The following CDH18 variants were observed in gnomAD, a reference collection of about 807,000 sequenced individuals.
CDH18 encodes the protein cadherin 18.
A neutral mutation model predicts 67.9 loss-of-function variants in CDH18; 31 were observed. The observed-to-expected ratio is 0.46, with a 90% CI of 0.34 to 0.62. CDH18 has a LOEUF of 0.62. Among genes scored for constraint, CDH18 ranks in the 20% least tolerant of loss-of-function variants. The probability of loss-of-function intolerance (pLI) is 0.01; values close to 1 mark genes in which losing one functional copy is unlikely to be tolerated. For missense variants in CDH18, 890 were observed against 975.5 expected (o/e 0.91, Z 1.17); for synonymous variants, 362 against 347.2 (o/e 1.04, Z -0.48).
chr5:20,438,025 C>G (rs1175327479), intron 1 of CDH18, among the ~76,000 whole-genome samples: 1 of 151,220 alleles, frequency 6.6e-6, no homozygotes, highest in African/African-American at 2.4e-5. Flanking sequence ...GACATTATAA[C>G]ATGAATATAA....
Position 19,544,018 on chromosome 5 carries a change from A to G in CDH18, c.1254-13T>C, listed in dbSNP as rs781271645. 1.8e-5 allele frequency: 27 copies of G among 1,502,202 alleles called. No individual in the cohort carries two copies. Among genetic ancestry groups the G allele is most frequent in the Non-Finnish European group, 1.9e-5 (21 of 1,107,674 alleles). 93.1% of individuals were successfully genotyped at this position (1,502,202 alleles called of 1,614,324 possible). A position where few individuals can be genotyped will look rare whatever the true frequency, so the allele number is the denominator to read the frequency against. On this transcript the variant is annotated splice_polypyrimidine_tract_variant and intron_variant, in intron 8 of 12. Coordinates refer to ENST00000382275, the MANE Select transcript of CDH18 (RefSeq NM_004934.5). ...GTTGATGAAGTATCTAGAGAAAAAA[A>G]GAGAAGTTTTTACTTGATGTTATAA...
At chr5:20,472,259 A>T (rs1752143285) in intron 1 of CDH18, among the ~76,000 whole-genome samples, 1 of 152,226 alleles carries the variant, frequency 6.6e-6, no homozygotes, top group Non-Finnish European at 1.5e-5. Context: ...ATAATAGTGG[A>T]TTATGAATGA....
chr5:20,350,767 A>T (rs979775753), intron 1 of CDH18, among the ~76,000 whole-genome samples: 4 of 152,176 alleles, frequency 2.6e-5, no homozygotes, highest in African/African-American at 9.6e-5. Flanking sequence ...GGTAGTTTAG[A>T]ATTTGGAGAA....
chr5:20,400,121 G>A (rs573195931), intron 1 of CDH18, among the ~76,000 whole-genome samples: 15 of 152,064 alleles, frequency 9.9e-5, no homozygotes, highest in African/African-American at 1.4e-4. Context: ...TAATAATATC[G>A]ACTCATCTAC....
At chr5:20,383,510 T>C (rs1744078780) in intron 1 of CDH18, among the ~76,000 whole-genome samples, 1 of 152,168 alleles carries the variant, frequency 6.6e-6, no homozygotes, top group African/African-American at 2.4e-5. Flanking sequence ...TAGCATTTGT[T>C]TTCTTTTTGG....
At chr5:19,862,989 T>C (rs1785065701) in intron 2 of CDH18, among the ~76,000 whole-genome samples, 1 of 147,484 alleles carries the variant, frequency 6.8e-6, no homozygotes, top group Non-Finnish European at 1.5e-5. Flanking sequence ...AGAAAAACTG[T>C]AGGAAAGATT....
chr5:20,494,213 GA>G (rs1191633886), intron 1 of CDH18, among the ~76,000 whole-genome samples: 1 of 152,088 alleles, frequency 6.6e-6, no homozygotes, highest in African/African-American at 2.4e-5. Flanking sequence ...CCAAATTGAA[GA>G]GAGTGGAATA....
chr5:20,464,267 C>T (rs1372816989), intron 1 of CDH18, among the ~76,000 whole-genome samples: 1 of 152,124 alleles, frequency 6.6e-6, no homozygotes, highest in Non-Finnish European at 1.5e-5. Flanking sequence ...CTCTGTGATT[C>T]CATCCCAGTG....
At chr5:20,334,325 GA>G in intron 1 of CDH18, among the ~76,000 whole-genome samples, 1 of 150,796 alleles carries the variant, frequency 6.6e-6, no homozygotes, top group Non-Finnish European at 1.5e-5. Context: ...TTTTAGTAGA[GA>G]CGGGGTTTCA....
At chr5:20,015,655 G>A (rs1310978150) in intron 2 of CDH18, among the ~76,000 whole-genome samples, 1 of 152,146 alleles carries the variant, frequency 6.6e-6, no homozygotes, top group African/African-American at 2.4e-5. Flanking sequence ...ATGGAGAACA[G>A]GGTAGAGAGC....
At chr5:19,515,568 C>T (rs937075715) in intron 10 of CDH18, among the ~76,000 whole-genome samples, 1 of 152,108 alleles carries the variant, frequency 6.6e-6, no homozygotes, top group African/African-American at 2.4e-5. Context: ...TCCTTCACAT[C>T]CCTTTTAAGT....
chr5:20,038,458 C>A (rs192473924), intron 2 of CDH18, among the ~76,000 whole-genome samples: 1 of 152,276 alleles, frequency 6.6e-6, no homozygotes, highest in Non-Finnish European at 1.5e-5. Flanking sequence ...AAAATACTGA[C>A]AACCCAAATC....
rs534073981 is a variant in CDH18 at position 19,722,220 on chromosome 5, A to C, written c.524-754T>G. 1.9e-3 allele frequency among the ~76,000 whole-genome samples: 287 copies of C among 152,000 alleles called. 1 individual carries two copies. The highest frequency in any genetic ancestry group is 0.01 in the Middle Eastern group (3 of 294). ...AGGCACCCTCCACCATGCCCAGATAATTTTTGTATTTTTAGTAGAAACAGG... is the reference window on the plus strand; with the variant it reads ...AGGCACCCTCCACCATGCCCAGATACTTTTTGTATTTTTAGTAGAAACAGG... On this transcript the variant is annotated intron_variant, in intron 4 of 12. Coordinates refer to ENST00000382275, the MANE Select transcript of CDH18 (RefSeq NM_004934.5).
intron 1 of CDH18, among the ~76,000 whole-genome samples, chr5:20,291,003 G>C (rs1747062540): frequency 6.6e-6 from 1 of 152,020 alleles, no homozygotes; most frequent in Non-Finnish European, 1.5e-5. Context: ...ATATTGAAAT[G>C]GACAAGGGAA....
intron 2 of CDH18, among the ~76,000 whole-genome samples, chr5:20,057,876 T>C (rs1431229924): frequency 6.6e-6 from 1 of 152,154 alleles, no homozygotes; most frequent in African/African-American, 2.4e-5. Context: ...TTACTTAAAA[T>C]GTGTGTGCAA....
In CDH18 at chr5:20,356,095, A is replaced by T. The variant is rs548863257; in HGVS notation, c.-579-100590T>A. ...TAAAACCCACTCTAAAATTAAAAAC[A>T]CTCCAGACTAGGCTCAGTGGCTCAT... On this transcript the variant is annotated intron_variant, in intron 1 of 14. Transcript: ENST00000507958. 2.0e-5 allele frequency among the ~76,000 whole-genome samples: 3 copies of T among 152,284 alleles called. No homozygotes were observed. In the East Asian group the frequency reaches 5.8e-4, roughly 29 times the overall value.
intron 2 of CDH18, among the ~76,000 whole-genome samples, chr5:20,047,143 C>T (rs1740976200): frequency 6.6e-6 from 1 of 151,572 alleles, no homozygotes; most frequent in South Asian, 2.1e-4. Flanking sequence ...ACATAATAAA[C>T]AAAGGTAAAA....
At chr5:19,906,633 A>G (rs183700662) in intron 2 of CDH18, among the ~76,000 whole-genome samples, 1 of 152,122 alleles carries the variant, frequency 6.6e-6, no homozygotes, top group African/African-American at 2.4e-5. Flanking sequence ...GATGGTTTGA[A>G]GTGCTGTTCA....
intron 10 of CDH18, among the ~76,000 whole-genome samples, chr5:19,503,606 G>A (rs949110324): frequency 2.0e-5 from 3 of 152,042 alleles, no homozygotes; most frequent in Non-Finnish European, 4.4e-5. Flanking sequence ...TACAGACGAG[G>A]AGCCTGAATC....
Sources: gnomAD v4.1 joint callset for allele counts (sites outside exome capture counted in the v4.1 genomes callset) on GRCh38, gnomAD v4.1.1 for gene constraint, MANE v1.5 for transcripts, NCBI Gene and HGNC (gene_info 2026-07-23, HGNC 2026-07-21) for gene names.